The following CRTAC1 variants were observed in gnomAD, a reference collection of about 807,000 sequenced individuals.
CRTAC1 encodes acidic secreted protein in cartilage.
Under a neutral mutation model 67.8 loss-of-function variants are expected in CRTAC1, and 37 were observed. The ratio of observed to expected loss-of-function variants is 0.55; its 90% CI spans 0.42 to 0.72. The LOEUF is 0.72. Among genes scored for constraint, CRTAC1 ranks in the 30% least tolerant of loss-of-function variants. The pLI, the probability that CRTAC1 is intolerant of heterozygous loss-of-function variation, is 0.00. For missense variants in CRTAC1, 780 were observed against 931.6 expected (o/e 0.84, Z 2.12); for synonymous variants, 348 against 371.0 (o/e 0.94, Z 0.71).
rs572190581 is a variant in CRTAC1 at position 97,904,929 on chromosome 10, C to T, written c.851-115G>A. 2.5e-5 allele frequency: 32 copies of T among 1,256,678 alleles called. No homozygotes were observed. The African/African-American group carries it at 2.6e-4, about 10-fold the overall frequency. 77.8% of individuals were successfully genotyped at this position (1,256,678 alleles called of 1,614,324 possible). A position where few individuals can be genotyped will look rare whatever the true frequency, so the allele number is the denominator to read the frequency against. On this transcript the variant is annotated intron_variant, in intron 6 of 14. Transcript: ENST00000370597. ...GGGAGGGTGACTCTCATCTTGTTCC[C>T]GGGAGGAGATACGGGAGACATAGCT... is the stretch of plus-strand genomic sequence containing the variant.
At chr10:97,892,502 G>A (rs559000527) in intron 11 of CRTAC1, among the ~76,000 whole-genome samples, 13 of 152,358 alleles carry the variant, frequency 8.5e-5, no homozygotes, top group African/African-American at 1.2e-4. Context: ...AACTCAGACC[G>A]TGGCGTCAGG....
chr10:97,911,103 T>C (rs1373641175), intron 5 of CRTAC1, among the ~76,000 whole-genome samples: 2 of 152,208 alleles, frequency 1.3e-5, no homozygotes, highest in Admixed American at 6.5e-5. Flanking sequence ...AAGTGGTTGC[T>C]GGCAGCTGTC....
At chr10:97,947,602 T>G (rs1380014892) in intron 2 of CRTAC1, among the ~76,000 whole-genome samples, 1 of 152,240 alleles carries the variant, frequency 6.6e-6, no homozygotes, top group Non-Finnish European at 1.5e-5. Flanking sequence ...ATGCAAAGCA[T>G]TCCCCAAATG....
intron 5 of CRTAC1, among the ~76,000 whole-genome samples, chr10:97,913,860 T>A (rs1270934543): frequency 6.6e-6 from 1 of 152,196 alleles, no homozygotes; most frequent in Non-Finnish European, 1.5e-5. Context: ...AGCTCACTGG[T>A]GAGGATCTGC....
intron 2 of CRTAC1, among the ~76,000 whole-genome samples, chr10:97,981,462 T>A (rs976269362): frequency 4.6e-5 from 7 of 152,236 alleles, no homozygotes; most frequent in African/African-American, 1.7e-4. Context: ...TAAATATTAT[T>A]TGAAAAGAAT....
chr10:97,997,685 G>C (rs1159734062), intron 2 of CRTAC1, among the ~76,000 whole-genome samples: 6 of 152,118 alleles, frequency 3.9e-5, no homozygotes, highest in Admixed American at 3.9e-4. Context: ...AAGTGGATAA[G>C]CAGTAAGACA....
intron 14 of CRTAC1, chr10:97,879,758 T>C: frequency 1.9e-6 from 3 of 1,548,558 alleles, no homozygotes; most frequent in Non-Finnish European, 2.6e-6. Context: ...GCTCAGAGAT[T>C]CTAGAGGCGG....
intron 2 of CRTAC1, among the ~76,000 whole-genome samples, chr10:97,959,628 C>T (rs2051492332): frequency 6.6e-6 from 1 of 152,204 alleles, no homozygotes; most frequent in Non-Finnish European, 1.5e-5. Context: ...TGTGGTTTTA[C>T]TGCCTGGCCC....
chr10:98,018,912 C>T (rs1843060590), intron 1 of CRTAC1, among the ~76,000 whole-genome samples: 2 of 152,192 alleles, frequency 1.3e-5, no homozygotes, highest in South Asian at 4.2e-4. Flanking sequence ...CTAACAGGAG[C>T]TGCCCTGGGT....
intron 2 of CRTAC1, among the ~76,000 whole-genome samples, chr10:97,944,350 T>C (rs902442966): frequency 2.0e-5 from 3 of 151,708 alleles, no homozygotes; most frequent in Non-Finnish European, 4.4e-5. Context: ...AAGAATCGCA[T>C]GAACCGGGGA....
intron 2 of CRTAC1, among the ~76,000 whole-genome samples, chr10:97,978,170 C>T (rs2051836815): frequency 6.6e-6 from 1 of 152,166 alleles, no homozygotes. Flanking sequence ...GCCCATGGGC[C>T]AGCAGGAGTG....
chr10:98,019,072 G>C (rs182696980), intron 1 of CRTAC1, among the ~76,000 whole-genome samples: 26 of 152,178 alleles, frequency 1.7e-4, no homozygotes, highest in South Asian at 4.2e-4. Context: ...AAGTTAGCTG[G>C]GGGGGGAGCT....
chr10:97,882,128 G>A (rs904098177), intron 13 of CRTAC1, among the ~76,000 whole-genome samples: 1 of 152,192 alleles, frequency 6.6e-6, no homozygotes, highest in African/African-American at 2.4e-5. Context: ...GAAGAATGCT[G>A]GATGAGGGTT....
intron 11 of CRTAC1, among the ~76,000 whole-genome samples, chr10:97,894,301 A>G (rs146331950): frequency 6.6e-6 from 1 of 152,154 alleles, no homozygotes; most frequent in East Asian, 1.9e-4. Flanking sequence ...TATTGTTGCT[A>G]TTTTTAATTT....
chr10:98,026,125 C>A (rs568673245), intron 1 of CRTAC1, among the ~76,000 whole-genome samples: 1 of 152,304 alleles, frequency 6.6e-6, no homozygotes, highest in South Asian at 2.1e-4. Flanking sequence ...TACCTCTAAC[C>A]AAGGGCAGAG....
At chr10:97,997,122 T>G (rs1842593634) in intron 2 of CRTAC1, among the ~76,000 whole-genome samples, 1 of 147,494 alleles carries the variant, frequency 6.8e-6, no homozygotes. Context: ...CATTAGGAGA[T>G]ATACCTAATG....
chr10:97,933,175 C>G (rs929357586), intron 3 of CRTAC1, among the ~76,000 whole-genome samples: 1 of 152,266 alleles, frequency 6.6e-6, no homozygotes, highest in Admixed American at 6.5e-5. Flanking sequence ...GCACAATGTC[C>G]CTGCTCCACA....
In CRTAC1 at chr10:97,917,651, A is replaced by G. The variant is rs906880274; in HGVS notation, c.564T>C (p.Ser188=). The part of the protein sequence containing the change: ...RSVACVDRKG[S]GRYSIYIANY... Reference sequence around the variant, plus strand: ...TGGCAATGTAGATAGAGTAGCGTCCAGAGCCCTGAGGAAGAAGGGAAGGGA... The same window carrying G: ...TGGCAATGTAGATAGAGTAGCGTCCGGAGCCCTGAGGAAGAAGGGAAGGGA... The change falls in exon 5 of 15, where the codon TCT becomes TCC. Residue 188 remains serine, a synonymous_variant. Coordinates refer to ENST00000370597, the MANE Select transcript of CRTAC1 (RefSeq NM_018058.7). 6.4e-6 allele frequency: 10 copies of G among 1,554,228 alleles called. No individual in the cohort carries two copies. The highest frequency in any genetic ancestry group is 8.8e-6 in the Non-Finnish European group (10 of 1,142,428).
intron 14 of CRTAC1, among the ~76,000 whole-genome samples, chr10:97,872,721 A>G (rs759175845): frequency 6.6e-5 from 10 of 152,150 alleles, no homozygotes; most frequent in Non-Finnish European, 1.5e-4. Flanking sequence ...CTGGCTTGAG[A>G]TGGATGCTCG....
Sources: allele counts gnomAD v4.1 joint callset (sites outside exome capture counted in the v4.1 genomes callset), GRCh38; gene constraint gnomAD v4.1.1; transcripts MANE v1.5; gene names NCBI Gene and HGNC (gene_info 2026-07-23, HGNC 2026-07-21).